The following ATAD5 variants were observed in gnomAD, a reference collection of about 807,000 sequenced individuals.
ATAD5 encodes ATPase family AAA domain containing 5.
ATAD5 carries 58 observed loss-of-function variants against 176.9 expected under a neutral mutation model. The ratio of observed to expected loss-of-function variants is 0.33; its 90% CI spans 0.27 to 0.41. ATAD5 has a LOEUF of 0.41. Among genes scored for constraint, ATAD5 ranks in the 10% least tolerant of loss-of-function variants. The pLI is 1.00. For missense variants in ATAD5, 1,789 were observed against 2,094.1 expected (o/e 0.85, Z 2.84); for synonymous variants, 640 against 712.6 (o/e 0.90, Z 1.62).
chr17:30,847,059 C>T (rs1264718634), intron 6 of ATAD5, among the ~76,000 whole-genome samples: 2 of 151,898 alleles, frequency 1.3e-5, no homozygotes, highest in South Asian at 2.1e-4. Flanking sequence ...CTGTAATTAC[C>T]ACCACAATAA....
chr17:30,835,152 T>G lies in ATAD5; in HGVS notation c.1071T>G (p.Asp357Glu). 1.2e-6 allele frequency: 2 copies of G among 1,614,136 alleles called. No individual in the cohort carries two copies. Among genetic ancestry groups the G allele is most frequent in the Non-Finnish European group, 1.7e-6 (2 of 1,180,008 alleles). The change falls in exon 2 of 23, where the codon GAT (aspartate) becomes GAG (glutamate). Residue 357 changes from aspartate to glutamate, a missense_variant. Around this residue, in one of 6 missense-constraint regions of ATAD5, gnomAD observed 696 missense variants for 712.5 expected, o/e 0.98. Transcript: ENST00000321990. ...KQFEMENSLSDPENEQTVQKR... is the reference protein window; with the variant it reads ...KQFEMENSLSEPENEQTVQKR... ...TTGAAATGGAAAATAGTTTATCTGA[T>G]CCTGAGAATGAACAGACAGTTCAGA...
chr17:30,837,286 A>C lies in ATAD5; in HGVS notation c.2048A>C (p.Asp683Ala). 1 of 1,580,560 alleles carries C rather than the reference A, an allele frequency of 6.3e-7. No homozygotes were observed. The highest frequency in any genetic ancestry group is 1.2e-5 in the South Asian group (1 of 83,166). Residue 683 changes from aspartate to alanine, a missense_variant, in exon 3 of 23, where the codon GAT (aspartate) becomes GCT (alanine). Physicochemically the swap from Asp to Ala is moderately radical, Grantham distance 126. Around this residue, in one of 6 missense-constraint regions of ATAD5, gnomAD observed 487 missense variants for 573.6 expected, o/e 0.85. Coordinates refer to ENST00000321990, the MANE Select transcript of ATAD5 (RefSeq NM_024857.5). ...NKRSEKSEAT[D>A]GGFTSQIRKA... ...AGATCTGAGAAATCTGAAGCAACTG[A>C]TGGAGGTTTTACTTCTCAGATTAGA...
intron 19 of ATAD5, 112 bp from the exon 20 acceptor site, chr17:30,892,495 C>A (rs911530173): frequency 1.8e-6 from 1 of 557,054 alleles, no homozygotes; most frequent in Non-Finnish European, 2.9e-6. Context: ...ATGTAGAGAA[C>A]TAAATGGGGG....
At position 30,835,818 on chromosome 17, in the gene ATAD5, T is replaced by A. The variant is rs1254828243; in HGVS notation, c.1737T>A (p.Ala579=). 1 of 1,613,282 alleles carries A rather than the reference T, an allele frequency of 6.2e-7. No individual in the cohort carries two copies. ...VKDIKLTQSK[A]ESEASLLNVS... ...ATATTAAGCTTACACAGTCTAAAGC[T>A]GAATCTGAAGCCAGCTTGCTAAATG... is the stretch of plus-strand genomic sequence containing the variant. Residue 579 remains alanine, a synonymous_variant, in exon 2 of 23, where the codon GCT becomes GCA. Transcript: ENST00000321990.
At chr17:30,841,332 C>T (rs1046615808) in intron 4 of ATAD5, among the ~76,000 whole-genome samples, 1 of 152,222 alleles carries the variant, frequency 6.6e-6, no homozygotes, top group African/African-American at 2.4e-5. Flanking sequence ...CAGAATTGTT[C>T]ATTTCTCCCT....
rs79291642 is a variant in ATAD5, at chr17:30,869,758, G to A, written c.3607+112G>A. 2.0e-3 allele frequency: 2,339 copies of A among 1,163,102 alleles called. 29 individuals carry two copies. The African/African-American group carries it at 0.033, about 17-fold the overall frequency. 72.0% of individuals were successfully genotyped at this position (1,163,102 alleles called of 1,614,324 possible). A position where few individuals can be genotyped will look rare whatever the true frequency, so the allele number is the denominator to read the frequency against. On this transcript the variant is annotated intron_variant, in intron 14 of 22. Transcript: ENST00000321990. The stretch of plus-strand genomic sequence containing the variant: ...TATTTTTTATCTTCTACACGTACAC[G>A]TTTCCTGCCCACCCCTGCCAGATTA...
intron 6 of ATAD5, among the ~76,000 whole-genome samples, chr17:30,850,860 T>C (rs1906887394): frequency 3.3e-4 from 12 of 35,870 alleles, no homozygotes; most frequent in Non-Finnish European, 5.8e-4. Flanking sequence ...TATATATATA[T>C]ATATATATAT....
chr17:30,883,321 C>A (rs948031568), intron 18 of ATAD5, among the ~76,000 whole-genome samples: 21 of 151,712 alleles, frequency 1.4e-4, no homozygotes, highest in African/African-American at 4.8e-4. Context: ...GAGATGAGGT[C>A]TCACTATATT....
In ATAD5 at chr17:30,834,767, T is replaced by A; in HGVS notation, c.686T>A (p.Leu229His). The part of the protein sequence containing the change: ...SLPLAEELNL[L>H]KKDGKDTKQM... ...CCCTTGGCAGAGGAACTAAATTTGC[T>A]TAAAAAAGATGGTAAAGATACTAAA... The change falls in exon 2 of 23, where the codon CTT becomes CAT. Residue 229 changes from leucine to histidine, a missense_variant. Leu to His is a moderately conservative substitution (Grantham distance 99). Coordinates refer to ENST00000321990, the MANE Select transcript of ATAD5 (RefSeq NM_024857.5). 1 of 1,614,034 alleles carries A rather than the reference T, an allele frequency of 6.2e-7. No individual in the cohort carries two copies.
rs562246888 is a variant in ATAD5, at chr17:30,840,208, A to C, written c.2077-409A>C. On this transcript the variant is annotated intron_variant, in intron 3 of 22. Coordinates refer to ENST00000321990, the MANE Select transcript of ATAD5 (RefSeq NM_024857.5). ...GCTAGACTCTGTTAAAAAAAAAAAA[A>C]AAAAAAAAAAACAACCTTGAGGCCA... Among the ~76,000 whole-genome samples, 1,470 of 150,378 alleles carry C rather than the reference A, an allele frequency of 9.8e-3. 26 individuals are homozygous for C. The highest frequency in any genetic ancestry group is 0.035 in the African/African-American group (1,406 of 40,392).
intron 6 of ATAD5, among the ~76,000 whole-genome samples, chr17:30,851,039 C>T (rs1475865042): frequency 6.9e-6 from 1 of 144,984 alleles, no homozygotes; most frequent in African/African-American, 2.5e-5. Flanking sequence ...GGTGTGCCAC[C>T]ACACCCCGCT....
intron 10 of ATAD5, chr17:30,864,495 ACTT>A (rs1411052065): frequency 3.3e-5 from 5 of 152,142 alleles, no homozygotes; most frequent in African/African-American, 9.6e-5. Context: ...CCTTGTCCTC[ACTT>A]CTTCCCTCCT....
intron 3 of ATAD5, 111 bp downstream of exon 3, chr17:30,837,425 T>G: frequency 1.4e-6 from 1 of 715,216 alleles, no homozygotes; most frequent in Non-Finnish European, 2.3e-6. Context: ...AATTCATGTA[T>G]TTCATAAATT....
chr17:30,873,755 A>AGGTTGG (rs1162671888), intron 14 of ATAD5, among the ~76,000 whole-genome samples: 1 of 146,648 alleles, frequency 6.8e-6, no homozygotes, highest in African/African-American at 2.6e-5. Flanking sequence ...GCAGTGATGC[A>AGGTTGG]ATCATAGCTC....
At chr17:30,887,603 G>A (rs1909389868) in intron 19 of ATAD5, among the ~76,000 whole-genome samples, 1 of 151,990 alleles carries the variant, frequency 6.6e-6, no homozygotes, top group Non-Finnish European at 1.5e-5. Flanking sequence ...GAAGCCAGGA[G>A]TTCAAAACCA....
intron 19 of ATAD5, among the ~76,000 whole-genome samples, chr17:30,890,930 A>T (rs568352072): frequency 6.6e-6 from 1 of 152,320 alleles, no homozygotes; most frequent in South Asian, 2.1e-4. Context: ...GTTAGCACAT[A>T]CGATCCTATC....
rs1905720615 is a variant in ATAD5 at position 30,835,976 on chromosome 17, A to G, written c.1895A>G (p.Asn632Ser). The G allele has an allele frequency of 6.2e-7, 1 of 1,613,954 alleles. No individual in the cohort carries two copies. Among genetic ancestry groups the G allele is most frequent in the African/African-American group, 1.3e-5 (1 of 74,926 alleles). Residue 632 changes from asparagine to serine, a missense_variant, in exon 2 of 23, where the codon AAC (asparagine) becomes AGC (serine). Around this residue, in one of 6 missense-constraint regions of ATAD5, gnomAD observed 487 missense variants for 573.6 expected, o/e 0.85. Transcript: ENST00000321990. ...QLKASTQKAA[N>S]LSEKHSLYTA... Reference sequence around the variant, plus strand: ...AAGGCTTCCACTCAAAAAGCAGCCAACTTATCGGAAAAGCACAGCTTATAT... The same window carrying G: ...AAGGCTTCCACTCAAAAAGCAGCCAGCTTATCGGAAAAGCACAGCTTATAT...
chr17:30,867,559 C>G (rs1908072904), intron 11 of ATAD5, among the ~76,000 whole-genome samples: 1 of 152,174 alleles, frequency 6.6e-6, no homozygotes, highest in African/African-American at 2.4e-5. Context: ...CTTAATCTTT[C>G]TGTTGTACAT....
rs1466009733 is a variant in ATAD5 at position 30,895,777 on chromosome 17, CTCT to C, written c.*866_*868del. 1 of 152,002 alleles carries C rather than the reference CTCT, an allele frequency of 6.6e-6. No individual in the cohort carries two copies. Among genetic ancestry groups the C allele is most frequent in the Admixed American group, 6.6e-5 (1 of 15,252 alleles). 9.4% of individuals were successfully genotyped at this position (152,002 alleles called of 1,614,324 possible). ...TGTGTATGAAGATAGATATTTTTAC[CTCT>C]TATTTGTTCAATTTACTTTTTCTTG... On this transcript the variant is annotated 3_prime_UTR_variant, in exon 23 of 23. Transcript: ENST00000321990.
Sources: gnomAD v4.1 joint callset for allele counts (sites outside exome capture counted in the v4.1 genomes callset) on GRCh38, gnomAD v4.1.1 for gene constraint, gnomAD v4.1.1 regional missense constraint, MANE v1.5 for transcripts, NCBI Gene and HGNC (gene_info 2026-07-23, HGNC 2026-07-21) for gene names.